The following SCD5 variants were observed in gnomAD, a reference collection of about 807,000 sequenced individuals.
SCD5 encodes the protein stearoyl-CoA desaturase 5.
A neutral mutation model predicts 30.4 loss-of-function variants in SCD5; 20 were observed. That is an observed-to-expected ratio of 0.66 (90% confidence interval 0.46 to 0.96). The LOEUF is 0.96. SCD5 is among the 40% of genes least tolerant of loss of function. SCD5 has a pLI of 0.00. For synonymous variants in SCD5, 173 were observed against 176.4 expected (o/e 0.98, Z 0.16); for missense variants, 381 against 443.3 (o/e 0.86, Z 1.26).
At chr4:82,726,022 C>G (rs75055976) in intron 1 of SCD5, among the ~76,000 whole-genome samples, 1 of 152,138 alleles carries the variant, frequency 6.6e-6, no homozygotes, top group African/African-American at 2.4e-5. Context: ...CCTCAGAGGC[C>G]GCAGAGGCTC....
At chr4:82,709,089 C>T (rs1578031582) in intron 1 of SCD5, among the ~76,000 whole-genome samples, 1 of 152,142 alleles carries the variant, frequency 6.6e-6, no homozygotes, top group African/African-American at 2.4e-5. Flanking sequence ...GCAGGAAGAG[C>T]CCACATCTAA....
chr4:82,753,967 T>C (rs572628003), intron 1 of SCD5, among the ~76,000 whole-genome samples: 2 of 152,220 alleles, frequency 1.3e-5, no homozygotes, highest in African/African-American at 4.8e-5. Flanking sequence ...AGACACTGTT[T>C]ATGAAAAGCT....
chr4:82,684,441 G>A (rs1022999094), intron 2 of SCD5, among the ~76,000 whole-genome samples: 1 of 152,156 alleles, frequency 6.6e-6, no homozygotes, highest in African/African-American at 2.4e-5. Flanking sequence ...CAGAAAGGGA[G>A]CAAGATTTAT....
At chr4:82,730,649 G>T (rs1424816906) in intron 1 of SCD5, among the ~76,000 whole-genome samples, 1 of 144,282 alleles carries the variant, frequency 6.9e-6, no homozygotes, top group African/African-American at 2.6e-5. Flanking sequence ...GCAGTGGCGG[G>T]ATCTTGGCTC....
At chr4:82,790,755 G>A (rs1199272302) in intron 1 of SCD5, among the ~76,000 whole-genome samples, 1 of 152,044 alleles carries the variant, frequency 6.6e-6, no homozygotes. Flanking sequence ...ACTGAATAAT[G>A]GTTCTCAGCC....
intron 1 of SCD5, among the ~76,000 whole-genome samples, chr4:82,751,896 A>C (rs2148842551): frequency 1.3e-5 from 2 of 152,344 alleles, no homozygotes. Flanking sequence ...AAGTGCTGGG[A>C]TTACAGGCGT....
chr4:82,700,712 A>T lies in SCD5; in HGVS notation c.363+4571T>A, dbSNP rs111552374. On this transcript the variant is annotated intron_variant, in intron 2 of 4. Coordinates refer to ENST00000319540, the MANE Select transcript of SCD5 (RefSeq NM_001037582.3). ...TGAGGTGGGAGGGGCGCTTAAGCCC[A>T]GGAGTTCAAGGCTGCAGTGAGCCAT... 5.5e-5 allele frequency among the ~76,000 whole-genome samples: 8 copies of T among 144,292 alleles called. 1 individual carries two copies. Among genetic ancestry groups the T allele is most frequent in the African/African-American group, 2.0e-4 (8 of 40,010 alleles). 94.7% of individuals were successfully genotyped at this position (144,292 alleles called of 152,430 possible).
At chr4:82,696,838 G>A (rs1209312891) in intron 2 of SCD5, among the ~76,000 whole-genome samples, 2 of 152,336 alleles carry the variant, frequency 1.3e-5, no homozygotes, top group East Asian at 3.9e-4. Flanking sequence ...GGTACAGGGA[G>A]AAATGACTTG....
intron 1 of SCD5, chr4:82,753,201 C>G (rs533426282): frequency 2.5e-6 from 1 of 406,328 alleles, no homozygotes; most frequent in Non-Finnish European, 5.1e-6. Flanking sequence ...GTCTCACCTA[C>G]TTCATGTGAG....
chr4:82,774,473 T>C (rs1463202424), intron 1 of SCD5, among the ~76,000 whole-genome samples: 1 of 152,206 alleles, frequency 6.6e-6, no homozygotes, highest in Non-Finnish European at 1.5e-5. Flanking sequence ...ATAGTATCTC[T>C]AAAATGGGGA....
chr4:82,664,961 ATC>A (rs368839845), intron 3 of SCD5, among the ~76,000 whole-genome samples: 7,903 of 76,700 alleles, frequency 0.1, 414 homozygotes, highest in Non-Finnish European at 0.12. Flanking sequence ...GCAAGACCCC[ATC>A]TCTCTCTCTC....
In SCD5 at chr4:82,689,158, T is replaced by C. The variant is rs187890196; in HGVS notation, c.364-8246A>G. On this transcript the variant is annotated intron_variant, in intron 2 of 4. Coordinates refer to ENST00000319540, the MANE Select transcript of SCD5 (RefSeq NM_001037582.3). The stretch of plus-strand genomic sequence containing the variant: ...ATTCTCCACTAAAAGGAATCAGGAG[T>C]GTGGAGAAATGGCTGGTGCCAGGAC... Among the ~76,000 whole-genome samples the C allele has an allele frequency of 3.3e-5, 5 of 152,006 alleles. No homozygotes were observed. The East Asian group carries it at 5.8e-4, about 18-fold the overall frequency.
intron 1 of SCD5, among the ~76,000 whole-genome samples, chr4:82,707,819 C>A (rs1719999620): frequency 6.6e-6 from 1 of 152,230 alleles, no homozygotes; most frequent in Non-Finnish European, 1.5e-5. Flanking sequence ...CTGACCAACA[C>A]ACTGCAGCCC....
At chr4:82,783,023 C>G (rs1294276502) in intron 1 of SCD5, among the ~76,000 whole-genome samples, 2 of 152,190 alleles carry the variant, frequency 1.3e-5, no homozygotes, top group African/African-American at 4.8e-5. Context: ...TAAGAACCAC[C>G]AGCAACACTT....
chr4:82,686,487 G>A (rs544426158), intron 2 of SCD5, among the ~76,000 whole-genome samples: 53 of 152,236 alleles, frequency 3.5e-4, no homozygotes, highest in Non-Finnish European at 1.9e-4. Context: ...TTCACTTTCT[G>A]GAGTTTATCT....
At chr4:82,686,240 A>G (rs2148822834) in intron 2 of SCD5, among the ~76,000 whole-genome samples, 1 of 152,282 alleles carries the variant, frequency 6.6e-6, no homozygotes, top group East Asian at 1.9e-4. Context: ...TTCTGGGCTC[A>G]AGGGATCCTC....
intron 4 of SCD5, among the ~76,000 whole-genome samples, chr4:82,636,365 T>A (rs1577999139): frequency 6.6e-6 from 1 of 151,130 alleles, no homozygotes; most frequent in African/African-American, 2.4e-5. Context: ...GCAGGAGAAT[T>A]GCTTGAACCC....
At chr4:82,685,976 C>T (rs6839330) in intron 2 of SCD5, among the ~76,000 whole-genome samples, 121,336 of 151,798 alleles carry the variant, frequency 0.8, 48,696 homozygotes, top group Middle Eastern at 0.87. Context: ...GACTACCACA[C>T]TGAGCAGTGC....
At chr4:82,689,732 A>G (rs1257227465) in intron 2 of SCD5, among the ~76,000 whole-genome samples, 1 of 152,230 alleles carries the variant, frequency 6.6e-6, no homozygotes, top group Non-Finnish European at 1.5e-5. Context: ...AATTAATTCA[A>G]TAATTACAAA....
Sources: gnomAD v4.1 joint callset for allele counts (sites outside exome capture counted in the v4.1 genomes callset) on GRCh38, gnomAD v4.1.1 for gene constraint, MANE v1.5 for transcripts, NCBI Gene and HGNC (gene_info 2026-07-23, HGNC 2026-07-21) for gene names.